NLGN4Y: variants seen among roughly 807,000 people sequenced by gnomAD.
NLGN4Y encodes neuroligin-4, Y-linked.
Under a neutral mutation model 8.4 loss-of-function variants are expected in NLGN4Y, and 4 were observed. The observed-to-expected ratio is 0.48, with a 90% CI of 0.23 to 1.09. NLGN4Y has a LOEUF of 1.09. Among genes scored for constraint, NLGN4Y ranks in the 50% least tolerant of loss-of-function variants. The probability of loss-of-function intolerance (pLI) is 0.19; values close to 1 mark genes in which losing one functional copy is unlikely to be tolerated. For synonymous variants in NLGN4Y, 35 were observed against 75.6 expected, an observed-to-expected ratio of 0.46 and a Z score of 2.78; for missense variants, 90 against 192.3, an observed-to-expected ratio of 0.47 and a Z score of 3.15.
chrY:14,689,511 G>C, intron 2 of NLGN4Y, among the ~76,000 whole-genome samples: 1 of 32,677 alleles, frequency 3.1e-5, no homozygotes, highest in Non-Finnish European at 7.6e-5. Flanking sequence ...GTGGGGAGTC[G>C]ATAGAATTTG....
intron 1 of NLGN4Y, among the ~76,000 whole-genome samples, chrY:14,591,617 C>G (rs999839519): frequency 2.7e-4 from 9 of 32,921 alleles, no homozygotes; most frequent in Non-Finnish European, 5.2e-4. Flanking sequence ...CAGAATGGAG[C>G]TGTTTGGGTG....
intron 2 of NLGN4Y, among the ~76,000 whole-genome samples, chrY:14,706,308 T>C: frequency 1.2e-4 from 4 of 33,395 alleles, no homozygotes; most frequent in Non-Finnish European, 7.4e-5. Context: ...TGAGCTAACA[T>C]TTATGGATCA....
At chrY:14,796,100 T>G (rs2150581502) in intron 4 of NLGN4Y, among the ~76,000 whole-genome samples, 4 of 33,334 alleles carry the variant, frequency 1.2e-4, no homozygotes, top group Admixed American at 5.6e-4. Flanking sequence ...TTCTTGATCA[T>G]TTGAGTCTTA....
intron 4 of NLGN4Y, among the ~76,000 whole-genome samples, chrY:14,785,763 C>CA (rs1313357564): frequency 0.023 from 77 of 3,321 alleles, no homozygotes; most frequent in Non-Finnish European, 0.029. Flanking sequence ...GACTCCGTCT[C>CA]AAAAAAAAAA....
chrY:14,743,807 G>A (rs910325935), intron 4 of NLGN4Y, among the ~76,000 whole-genome samples: 1 of 33,207 alleles, frequency 3.0e-5, no homozygotes, highest in South Asian at 6.9e-4. Flanking sequence ...CATCAAAGTC[G>A]GACTCTTATC....
At chrY:14,756,693 C>T (rs762603478) in intron 4 of NLGN4Y, among the ~76,000 whole-genome samples, 9 of 24,650 alleles carry the variant, frequency 3.7e-4, no homozygotes, top group Admixed American at 1.7e-3. Flanking sequence ...TTCAGTGAGC[C>T]GAGATCACAC....
At chrY:14,776,365 T>A in intron 4 of NLGN4Y, among the ~76,000 whole-genome samples, 1 of 30,735 alleles carries the variant, frequency 3.3e-5, no homozygotes, top group East Asian at 7.8e-4. Flanking sequence ...AACATATTTG[T>A]TTTATATTTA....
intron 4 of NLGN4Y, among the ~76,000 whole-genome samples, chrY:14,742,716 C>T (rs765552872): frequency 4.7e-4 from 15 of 32,021 alleles, no homozygotes; most frequent in African/African-American, 1.8e-3. Flanking sequence ...AAGTCATTCC[C>T]TAAACTTCAT....
chrY:14,761,278 T>C, intron 4 of NLGN4Y, among the ~76,000 whole-genome samples: 2 of 34,086 alleles, frequency 5.9e-5, no homozygotes, highest in Non-Finnish European at 1.5e-4. Context: ...GTCACCTAAA[T>C]GGAATTTTCA....
chrY:14,810,867 C>T, intron 4 of NLGN4Y, among the ~76,000 whole-genome samples: 1 of 32,797 alleles, frequency 3.0e-5, no homozygotes, highest in African/African-American at 1.2e-4. Flanking sequence ...GGTATAAATA[C>T]CATGTGTCTG....
At chrY:14,826,734 C>A in intron 5 of NLGN4Y, among the ~76,000 whole-genome samples, 1 of 31,765 alleles carries the variant, frequency 3.1e-5, no homozygotes, top group Non-Finnish European at 7.6e-5. Flanking sequence ...TTAGTGAGAC[C>A]ACATTTATAC....
chrY:14,554,656 A>T, intron 1 of NLGN4Y, among the ~76,000 whole-genome samples: 1 of 33,791 alleles, frequency 3.0e-5, no homozygotes, highest in Non-Finnish European at 7.3e-5. Context: ...TAAAAAACTG[A>T]AAATATTCAT....
rs377004563 is a variant in NLGN4Y at position 14,746,478 on chromosome Y, A to T, written c.685+23209A>T. ...GCCCCATAAGGCCTGAATAAGGCTG[A>T]TGGGTCATGTATGGCAGGGCCACCC... On this transcript the variant is annotated intron_variant, in intron 4 of 6. Transcript: ENST00000684976. Among the ~76,000 whole-genome samples the T allele has an allele frequency of 5.2e-3, 175 of 33,613 alleles. No homozygotes were observed. The South Asian group carries it at 0.08, about 15-fold the overall frequency. The allele number at this position is 33,613 out of a possible 37,273, so 90.2% of individuals were successfully genotyped here.
intron 1 of NLGN4Y, among the ~76,000 whole-genome samples, chrY:14,581,377 C>T (rs17307315): frequency 0.071 from 2,281 of 31,982 alleles, no homozygotes; most frequent in Non-Finnish European, 0.12. Context: ...AAACCTAAAA[C>T]CCCTAAAAGG....
At chrY:14,586,601 G>A (rs113186286) in intron 1 of NLGN4Y, among the ~76,000 whole-genome samples, 185 of 32,187 alleles carry the variant, frequency 5.7e-3, no homozygotes, top group African/African-American at 0.021. Context: ...AGGCTGAGGC[G>A]GGCAGATCAT....
chrY:14,782,846 GTA>G (rs2042947804), intron 4 of NLGN4Y, among the ~76,000 whole-genome samples: 2 of 33,579 alleles, frequency 6.0e-5, no homozygotes. Flanking sequence ...AGGCCAAATG[GTA>G]TATGGAAGCT....
intron 2 of NLGN4Y, among the ~76,000 whole-genome samples, chrY:14,652,417 G>A (rs2080632842): frequency 1.2e-4 from 4 of 32,796 alleles, no homozygotes; most frequent in East Asian, 7.9e-4. Flanking sequence ...TTATTTCTTC[G>A]TGTAATGTTG....
chrY:14,565,148 A>G (rs2080246993), intron 1 of NLGN4Y, among the ~76,000 whole-genome samples: 1 of 32,269 alleles, frequency 3.1e-5, no homozygotes, highest in Non-Finnish European at 7.5e-5. Context: ...CAGCAAGGGA[A>G]CAAAACTGGA....
chrY:14,674,502 T>C (rs13303383), intron 2 of NLGN4Y, among the ~76,000 whole-genome samples: 1 of 31,918 alleles, frequency 3.1e-5, no homozygotes, highest in African/African-American at 1.2e-4. Flanking sequence ...ATAATAATAG[T>C]GTTTTTTGTT....
Sources: allele counts gnomAD v4.1 joint callset (sites outside exome capture counted in the v4.1 genomes callset), GRCh38; gene constraint gnomAD v4.1.1; transcripts MANE v1.5; gene names NCBI Gene and HGNC (gene_info 2026-07-23, HGNC 2026-07-21).